ODAD2: variants seen among roughly 807,000 people sequenced by gnomAD.
ODAD2 encodes outer dynein arm-docking complex subunit 2.
In ODAD2, 89 loss-of-function variants were observed where a neutral mutation model predicts 106.8. The ratio of observed to expected loss-of-function variants is 0.83; its 90% confidence interval spans 0.70 to 0.99. The LOEUF (loss-of-function observed/expected upper bound fraction) is 0.99, where lower values mean the gene tolerates loss of function less well. Among genes scored for constraint, ODAD2 ranks in the 50% least tolerant of loss-of-function variants. The probability of loss-of-function intolerance (pLI) is 0.00; values close to 1 mark genes in which losing one functional copy is unlikely to be tolerated. For missense variants in ODAD2, 1,168 were observed against 1,238.5 expected (o/e 0.94, Z 0.85); for synonymous variants, 404 against 436.2 (o/e 0.93, Z 0.92).
chr10:27,889,244 G>C (rs1589935235), intron 17 of ODAD2, among the ~76,000 whole-genome samples: 2 of 152,194 alleles, frequency 1.3e-5, no homozygotes, highest in Non-Finnish European at 2.9e-5. Context: ...CTTCTGACCA[G>C]AAACTGAGCA....
rs1160520518 is a variant in ODAD2 at position 27,939,787 on chromosome 10, A to G, written c.2097+110T>C. ...CTTAAAAAAATCAAATAAATAAATAAAATGCAGATTCCTGAGTCCCATTCT... is the reference window on the plus strand; with the variant it reads ...CTTAAAAAAATCAAATAAATAAATAGAATGCAGATTCCTGAGTCCCATTCT... On this transcript the variant is annotated intron_variant, in intron 14 of 19. Transcript: ENST00000305242. 3.6e-5 allele frequency: 18 copies of G among 502,436 alleles called. No homozygotes were observed. In the Middle Eastern group the frequency reaches 1.3e-3, roughly 36 times the overall value. 31.1% of individuals were successfully genotyped at this position (502,436 alleles called of 1,614,324 possible). A position where few individuals can be genotyped will look rare whatever the true frequency, so the allele number is the denominator to read the frequency against.
chr10:27,938,496 G>A (rs1023619392), intron 14 of ODAD2, among the ~76,000 whole-genome samples: 7 of 152,152 alleles, frequency 4.6e-5, no homozygotes, highest in African/African-American at 1.4e-4. Context: ...AATAAATTTC[G>A]GCTGTTCAAG....
At chr10:27,955,875 G>GGTT (rs546575072) in intron 10 of ODAD2, among the ~76,000 whole-genome samples, 83 of 152,166 alleles carry the variant, frequency 5.5e-4, no homozygotes, top group African/African-American at 1.9e-3. Flanking sequence ...TGCCAGGGAG[G>GGTT]AGCTCTGGGA....
chr10:27,851,088 G>C (rs1839228115), intron 19 of ODAD2, among the ~76,000 whole-genome samples: 1 of 152,086 alleles, frequency 6.6e-6, no homozygotes, highest in African/African-American at 2.4e-5. Context: ...ACTGTTTGAG[G>C]GCAGGAAAAG....
intron 19 of ODAD2, among the ~76,000 whole-genome samples, chr10:27,840,960 G>A (rs1466196237): frequency 6.6e-6 from 1 of 152,188 alleles, no homozygotes; most frequent in African/African-American, 2.4e-5. Context: ...CACCACAGGG[G>A]TACAGTGAAG....
At chr10:27,899,209 C>T (rs1843035389) in intron 17 of ODAD2, among the ~76,000 whole-genome samples, 1 of 151,838 alleles carries the variant, frequency 6.6e-6, no homozygotes, top group Admixed American at 6.6e-5. Context: ...CACAAGGGAT[C>T]AGTGAAATCC....
intron 19 of ODAD2, among the ~76,000 whole-genome samples, chr10:27,814,914 T>A (rs981080076): frequency 1.6e-4 from 24 of 152,228 alleles, no homozygotes; most frequent in African/African-American, 5.5e-4. Flanking sequence ...TCAACTGGAT[T>A]CTCATTCACT....
At chr10:27,939,760 AACT>A in intron 14 of ODAD2, 134 bp downstream of exon 14, 1 of 479,294 alleles carries the variant, frequency 2.1e-6, no homozygotes, top group Non-Finnish European at 3.6e-6. Flanking sequence ...AATAAATTAA[AACT>A]TAAAAAAATC....
chr10:27,829,189 T>TA (rs1837290236), intron 19 of ODAD2, among the ~76,000 whole-genome samples: 1 of 152,156 alleles, frequency 6.6e-6, no homozygotes. Context: ...CAAAAGCAGA[T>TA]TAATATAGAA....
intron 7 of ODAD2, among the ~76,000 whole-genome samples, chr10:27,972,905 C>T (rs1227765633): frequency 2.0e-5 from 3 of 152,048 alleles, no homozygotes; most frequent in Non-Finnish European, 4.4e-5. Flanking sequence ...GACAACTTGG[C>T]TTAATTGACA....
At chr10:27,861,739 C>T (rs116825463) in intron 18 of ODAD2, among the ~76,000 whole-genome samples, 1,993 of 152,314 alleles carry the variant, frequency 0.013, 42 homozygotes, top group African/African-American at 0.044. Flanking sequence ...AATGGGCATA[C>T]TATTACTGAA....
chr10:27,924,100 CATA>C (rs1231771363), intron 16 of ODAD2, among the ~76,000 whole-genome samples: 3 of 149,662 alleles, frequency 2.0e-5, no homozygotes, highest in South Asian at 4.3e-4. Flanking sequence ...ATAAAACACT[CATA>C]ATAATTCATC....
chr10:27,814,729 C>T (rs140990425), intron 19 of ODAD2, among the ~76,000 whole-genome samples: 37 of 152,266 alleles, frequency 2.4e-4, no homozygotes, highest in African/African-American at 8.2e-4. Flanking sequence ...TTGCATAGTC[C>T]GTCTTTTGAA....
At chr10:27,909,413 A>G (rs1286099272) in intron 16 of ODAD2, among the ~76,000 whole-genome samples, 1 of 152,190 alleles carries the variant, frequency 6.6e-6, no homozygotes, top group African/African-American at 2.4e-5. Context: ...AATTCACTAT[A>G]ATTGTAAAAT....
chr10:27,899,589 G>A (rs946200382), intron 17 of ODAD2, among the ~76,000 whole-genome samples: 2 of 152,174 alleles, frequency 1.3e-5, no homozygotes, highest in African/African-American at 4.8e-5. Context: ...TGTGAGCATA[G>A]CAGTCCAAAG....
intron 17 of ODAD2, among the ~76,000 whole-genome samples, 172 bp from the exon 18 acceptor site, chr10:27,862,794 G>A (rs1174474085): frequency 2.7e-5 from 1 of 37,202 alleles, no homozygotes; most frequent in African/African-American, 4.9e-5. Flanking sequence ...TGTATAAAGT[G>A]TGTGTGTGTA....
At chr10:27,986,883 C>T (rs1389436202) in intron 3 of ODAD2, among the ~76,000 whole-genome samples, 1 of 152,032 alleles carries the variant, frequency 6.6e-6, no homozygotes, top group African/African-American at 2.4e-5. Flanking sequence ...GTGAAGTCCA[C>T]AGTGGAATAT....
At chr10:27,902,888 A>T (rs1843311404) in intron 17 of ODAD2, among the ~76,000 whole-genome samples, 1 of 152,220 alleles carries the variant, frequency 6.6e-6, no homozygotes, top group Non-Finnish European at 1.5e-5. Flanking sequence ...AGCTGGGACC[A>T]TTCCTTCTGA....
intron 19 of ODAD2, among the ~76,000 whole-genome samples, chr10:27,846,044 A>T (rs1333694454): frequency 6.6e-6 from 1 of 152,172 alleles, no homozygotes; most frequent in Non-Finnish European, 1.5e-5. Flanking sequence ...GATATCCAGG[A>T]ATTGAACTCA....
Sources: gnomAD v4.1 joint callset for allele counts (sites outside exome capture counted in the v4.1 genomes callset) on GRCh38, gnomAD v4.1.1 for gene constraint, MANE v1.5 for transcripts, NCBI Gene and HGNC (gene_info 2026-07-23, HGNC 2026-07-21) for gene names.